The following TANC2 variants were observed in gnomAD, a reference collection of about 807,000 sequenced individuals.
TANC2 encodes protein TANC2.
Under a neutral mutation model 210.5 loss-of-function variants are expected in TANC2, and 26 were observed. The observed-to-expected ratio is 0.12, with a 90% confidence interval of 0.09 to 0.17. The LOEUF (loss-of-function observed/expected upper bound fraction) is 0.17, where lower values mean the gene tolerates loss of function less well. Ranked by LOEUF, TANC2 falls within the 10% of genes least tolerant of loss-of-function variation. The probability of loss-of-function intolerance (pLI) is 1.00; values close to 1 mark genes in which losing one functional copy is unlikely to be tolerated. For synonymous variants in TANC2, 931 were observed against 967.1 expected (o/e 0.96, Z 0.69); for missense variants, 2,129 against 2,608.9 (o/e 0.82, Z 4.01).
intron 5 of TANC2, among the ~76,000 whole-genome samples, chr17:63,193,260 G>A (rs2041242328): frequency 6.6e-6 from 1 of 152,258 alleles, no homozygotes; most frequent in South Asian, 2.1e-4. Flanking sequence ...AGGAAAAATA[G>A]AGCCTTGTTT....
chr17:63,359,467 C>G (rs2046891977), intron 14 of TANC2, among the ~76,000 whole-genome samples: 1 of 152,026 alleles, frequency 6.6e-6, no homozygotes, highest in Admixed American at 6.6e-5. Context: ...CCTCAGCCTC[C>G]CAAGTAGCTG....
At chr17:63,109,736 C>T (rs748807391) in intron 4 of TANC2, among the ~76,000 whole-genome samples, 37 of 151,758 alleles carry the variant, frequency 2.4e-4, no homozygotes, top group South Asian at 4.1e-4. Context: ...TGTGTGAACA[C>T]TTTCAGTGAT....
At chr17:63,277,516 G>T (rs578257402) in intron 9 of TANC2, among the ~76,000 whole-genome samples, 2 of 88,720 alleles carry the variant, frequency 2.3e-5, no homozygotes, top group East Asian at 4.1e-4. Context: ...TCATTTCTCT[G>T]TCTTAAGTTA....
chr17:63,353,923 G>T (rs537797493), intron 13 of TANC2, among the ~76,000 whole-genome samples: 1 of 152,108 alleles, frequency 6.6e-6, no homozygotes, highest in African/African-American at 2.4e-5. Flanking sequence ...GGTGGTGAGG[G>T]TGCAGCCTGA....
rs376642543 is a variant in TANC2 at position 63,354,857 on chromosome 17, C to T, written c.2049C>T (p.Asp683=). The T allele has an allele frequency of 1.2e-5, 19 of 1,613,268 alleles. No homozygotes were observed. The African/African-American group carries it at 1.9e-4, about 16-fold the overall frequency. ...AAGAGAATGAAGCCATAGACCAGGA[C>T]CTGCAGGCTTACATCCTGCACCGGA... Residue 683 remains aspartate, a synonymous_variant, in exon 14 of 28, where the codon GAC becomes GAT. Coordinates refer to ENST00000689528, the Ensembl canonical transcript of TANC2.
At chr17:63,208,214 C>G (rs904542814) in intron 7 of TANC2, among the ~76,000 whole-genome samples, 1 of 152,056 alleles carries the variant, frequency 6.6e-6, no homozygotes, top group Admixed American at 6.6e-5. Flanking sequence ...CTTAAAATCA[C>G]CTAGAATTGG....
At chr17:63,263,546 A>T (rs2043432342) in intron 8 of TANC2, among the ~76,000 whole-genome samples, 1 of 152,324 alleles carries the variant, frequency 6.6e-6, no homozygotes. Flanking sequence ...TCTGTAAATC[A>T]AATCTGAGTT....
intron 8 of TANC2, among the ~76,000 whole-genome samples, chr17:63,240,379 C>T (rs2042742149): frequency 6.6e-6 from 1 of 152,160 alleles, no homozygotes; most frequent in African/African-American, 2.4e-5. Context: ...CACTACTTAA[C>T]ATCAACATTG....
chr17:63,017,362 T>G (rs1236766713), intron 2 of TANC2, among the ~76,000 whole-genome samples: 1 of 152,232 alleles, frequency 6.6e-6, no homozygotes, highest in Non-Finnish European at 1.5e-5. Flanking sequence ...TTTACTAAAA[T>G]GATACAAATG....
chr17:63,417,614 A>G (rs1176379566), intron 26 of TANC2, among the ~76,000 whole-genome samples: 1 of 152,224 alleles, frequency 6.6e-6, no homozygotes, highest in African/African-American at 2.4e-5. Flanking sequence ...CCTCTGTGAA[A>G]TAGAAAGAAA....
At chr17:63,189,113 CT>C (rs1023818518) in intron 5 of TANC2, among the ~76,000 whole-genome samples, 1 of 150,966 alleles carries the variant, frequency 6.6e-6, no homozygotes, top group Admixed American at 6.6e-5. Flanking sequence ...ATCAGTATTT[CT>C]TTTTTTTTCA....
At chr17:63,326,590 C>T (rs541835818) in intron 11 of TANC2, among the ~76,000 whole-genome samples, 1 of 151,910 alleles carries the variant, frequency 6.6e-6, no homozygotes, top group Admixed American at 6.6e-5. Context: ...ATTAGCTGAG[C>T]GTAATGACAA....
intron 9 of TANC2, among the ~76,000 whole-genome samples, chr17:63,269,784 A>G (rs558162483): frequency 1.3e-3 from 191 of 152,258 alleles, no homozygotes; most frequent in African/African-American, 3.7e-3. Flanking sequence ...TGCAACAAAG[A>G]TCTTTTCCAT....
At chr17:63,386,889 G>A (rs548753015) in intron 15 of TANC2, among the ~76,000 whole-genome samples, 3 of 152,150 alleles carry the variant, frequency 2.0e-5, no homozygotes, top group Admixed American at 2.0e-4. Flanking sequence ...GCCTCACGGT[G>A]TTGCCCAGGC....
At chr17:63,141,556 ACT>A (rs1208914456) in intron 4 of TANC2, among the ~76,000 whole-genome samples, 1 of 150,550 alleles carries the variant, frequency 6.6e-6, no homozygotes, top group African/African-American at 2.5e-5. Context: ...ACAGAGCGAG[ACT>A]CTGTCTCAAG....
At chr17:63,061,148 C>T (rs1452301726) in intron 2 of TANC2, among the ~76,000 whole-genome samples, 3 of 152,120 alleles carry the variant, frequency 2.0e-5, no homozygotes, top group Admixed American at 6.5e-5. Context: ...GGGCGGATCA[C>T]CTGAGGTCAG....
chr17:63,394,352 C>T (rs1331121533), intron 17 of TANC2, among the ~76,000 whole-genome samples: 1 of 152,090 alleles, frequency 6.6e-6, no homozygotes, highest in Non-Finnish European at 1.5e-5. Context: ...TTTCAACTTC[C>T]CTCTATTAAT....
intron 9 of TANC2, among the ~76,000 whole-genome samples, chr17:63,280,019 T>C (rs932832966): frequency 2.0e-5 from 3 of 152,098 alleles, no homozygotes; most frequent in African/African-American, 7.2e-5. Flanking sequence ...TCATGGTTAG[T>C]TCATAGTCAG....
intron 1 of TANC2, among the ~76,000 whole-genome samples, chr17:62,999,872 G>A (rs1342306143): frequency 6.6e-6 from 1 of 152,188 alleles, no homozygotes; most frequent in African/African-American, 2.4e-5. Context: ...TAAAGAAAAT[G>A]TATATATGCA....
Sources: gnomAD v4.1 joint callset for allele counts (sites outside exome capture counted in the v4.1 genomes callset) on GRCh38, gnomAD v4.1.1 for gene constraint, MANE v1.5 for transcripts, NCBI Gene and HGNC (gene_info 2026-07-23, HGNC 2026-07-21) for gene names.